CCDC181: variants seen among roughly 807,000 people sequenced by gnomAD.
CCDC181 encodes coiled-coil domain-containing protein 181.
A neutral mutation model predicts 58.7 loss-of-function variants in CCDC181; 35 were observed. The observed-to-expected ratio is 0.60, with a 90% CI of 0.46 to 0.79. The LOEUF (loss-of-function observed/expected upper bound fraction) is 0.79. CCDC181 is among the 30% of genes least tolerant of loss of function. CCDC181 has a pLI of 0.00. For synonymous variants in CCDC181, 183 were observed against 197.5 expected (o/e 0.93, Z 0.62); for missense variants, 517 against 583.9 (o/e 0.89, Z 1.18).
chr1:169,430,108 TA>T (rs1478096225), upstream of CCDC181, among the ~76,000 whole-genome samples: 1 of 152,158 alleles, frequency 6.6e-6, no homozygotes, highest in Admixed American at 6.5e-5. Flanking sequence ...AGAGATCAGT[TA>T]GCTTCATTTC....
chr1:169,397,148 G>GTT, intron 5 of CCDC181, 89 bp downstream of exon 5: 29 of 1,136,476 alleles, frequency 2.6e-5, no homozygotes, highest in South Asian at 6.8e-5. Flanking sequence ...CATTTTGAGG[G>GTT]TTTTTTTTTT....
At chr1:169,397,024 G>T (rs1300310450) in intron 5 of CCDC181, among the ~76,000 whole-genome samples, 3 of 150,708 alleles carry the variant, frequency 2.0e-5, no homozygotes, top group Non-Finnish European at 4.4e-5. Flanking sequence ...AGAAAAATTG[G>T]TATGCATATA....
intron 2 of CCDC181, among the ~76,000 whole-genome samples, chr1:169,458,120 G>A (rs777355938): frequency 3.3e-5 from 5 of 150,516 alleles, no homozygotes; most frequent in Non-Finnish European, 7.4e-5. Flanking sequence ...GTGTCTAGTG[G>A]CTACCATATT....
At chr1:169,408,884 T>G (rs1655812296) in intron 4 of CCDC181, among the ~76,000 whole-genome samples, 1 of 151,998 alleles carries the variant, frequency 6.6e-6, no homozygotes, top group African/African-American at 2.4e-5. Flanking sequence ...CATCCAAAGG[T>G]CACCAACATC....
At chr1:169,446,436 C>T (rs1657375972) in intron 2 of CCDC181, among the ~76,000 whole-genome samples, 1 of 152,012 alleles carries the variant, frequency 6.6e-6, no homozygotes, top group Admixed American at 6.6e-5. Context: ...AAGCAAGACT[C>T]TGTCTCAAAA....
At chr1:169,419,395 C>T (rs996924896) in intron 3 of CCDC181, among the ~76,000 whole-genome samples, 2 of 152,172 alleles carry the variant, frequency 1.3e-5, no homozygotes, top group African/African-American at 2.4e-5. Context: ...GACTGGCCAA[C>T]ATGGTGAAAA....
chr1:169,398,331 A>T (rs990632669), intron 4 of CCDC181, among the ~76,000 whole-genome samples: 3 of 152,334 alleles, frequency 2.0e-5, no homozygotes, highest in African/African-American at 7.2e-5. Context: ...CAAGTGTTTG[A>T]GGTAATATGC....
At chr1:169,443,216 AG>A (rs1657283458) in intron 2 of CCDC181, 1 of 151,982 alleles carries the variant, frequency 6.6e-6, no homozygotes, top group South Asian at 2.1e-4. Flanking sequence ...TCTTAAAACA[AG>A]TGCTCTAAGG....
At chr1:169,406,168 G>A (rs1655644098) in intron 4 of CCDC181, among the ~76,000 whole-genome samples, 1 of 152,198 alleles carries the variant, frequency 6.6e-6, no homozygotes, top group African/African-American at 2.4e-5. Context: ...AGAGGATGTG[G>A]AGAAATAGGA....
chr1:169,407,711 C>T (rs1468019913), intron 4 of CCDC181, among the ~76,000 whole-genome samples: 1 of 152,138 alleles, frequency 6.6e-6, no homozygotes, highest in Non-Finnish European at 1.5e-5. Context: ...GTGATTTCTG[C>T]GTTTGTAACT....
At chr1:169,414,727 C>T (rs988844874) in intron 4 of CCDC181, among the ~76,000 whole-genome samples, 1 of 152,162 alleles carries the variant, frequency 6.6e-6, no homozygotes, top group Non-Finnish European at 1.5e-5. Flanking sequence ...ATTCCACAAT[C>T]TATAAATCTA....
At chr1:169,398,201 T>C (rs921370380) in intron 4 of CCDC181, among the ~76,000 whole-genome samples, 1 of 152,098 alleles carries the variant, frequency 6.6e-6, no homozygotes, top group South Asian at 2.1e-4. Flanking sequence ...TACAAAGTAA[T>C]AGATAGGAGG....
chr1:169,414,626 G>A (rs981206565), intron 4 of CCDC181, among the ~76,000 whole-genome samples: 8 of 151,952 alleles, frequency 5.3e-5, no homozygotes, highest in Non-Finnish European at 1.0e-4. Context: ...TCAAAACAAC[G>A]TTGGAAAGAC....
chr1:169,407,867 G>T (rs758770305), intron 4 of CCDC181, among the ~76,000 whole-genome samples: 1 of 152,166 alleles, frequency 6.6e-6, no homozygotes, highest in Non-Finnish European at 1.5e-5. Flanking sequence ...AGCTGTGAGG[G>T]ACTGTGCTAC....
intron 2 of CCDC181, chr1:169,443,220 C>CA (rs1657283777): frequency 6.6e-6 from 1 of 151,758 alleles, no homozygotes; most frequent in South Asian, 2.1e-4. Context: ...AAAACAAGTG[C>CA]TCTAAGGAAA....
chr1:169,447,404 C>G (rs1462825195), intron 2 of CCDC181, among the ~76,000 whole-genome samples: 1 of 152,168 alleles, frequency 6.6e-6, no homozygotes, highest in Non-Finnish European at 1.5e-5. Flanking sequence ...AGGAATGAGC[C>G]ACGGTGCCTG....
At chr1:169,429,212 G>A (rs1402212559), upstream of CCDC181, among the ~76,000 whole-genome samples, 1 of 152,106 alleles carries the variant, frequency 6.6e-6, no homozygotes, top group Non-Finnish European at 1.5e-5. Context: ...TTGGTTGATG[G>A]GCATTTGGTT....
upstream of CCDC181, among the ~76,000 whole-genome samples, chr1:169,429,086 T>G: frequency 6.6e-6 from 1 of 152,208 alleles, no homozygotes. Flanking sequence ...CTTAGAATAA[T>G]GATGAAATAA....
intron 4 of CCDC181, among the ~76,000 whole-genome samples, chr1:169,407,892 T>G: frequency 6.6e-6 from 1 of 152,128 alleles, no homozygotes; most frequent in East Asian, 1.9e-4. Context: ...AACTGTGCAT[T>G]ATTGCCCAAA....
Sources: gnomAD v4.1 joint callset for allele counts (sites outside exome capture counted in the v4.1 genomes callset) on GRCh38, gnomAD v4.1.1 for gene constraint, MANE v1.5 for transcripts, NCBI Gene and HGNC (gene_info 2026-07-23, HGNC 2026-07-21) for gene names.